FRY: variants seen among roughly 807,000 people sequenced by gnomAD.
FRY encodes protein furry homolog.
In FRY, 128 loss-of-function variants were observed where a neutral mutation model predicts 348.4. That is an observed-to-expected ratio of 0.37 (90% confidence interval 0.32 to 0.43). The LOEUF is 0.43. Ranked by LOEUF, FRY falls within the 20% of genes least tolerant of loss-of-function variation. FRY has a pLI of 1.00. For synonymous variants in FRY, 1,370 were observed against 1,374.7 expected (o/e 1.00, Z 0.08); for missense variants, 2,736 against 3,695.2 (o/e 0.74, Z 6.73).
intron 2 of FRY, among the ~76,000 whole-genome samples, chr13:32,099,262 A>G (rs1009094916): frequency 1.3e-5 from 2 of 151,602 alleles, no homozygotes; most frequent in African/African-American, 4.9e-5. Flanking sequence ...ACATATATAT[A>G]TGTGTATATA....
chr13:32,166,386 C>G (rs1881735798), intron 17 of FRY, among the ~76,000 whole-genome samples: 2 of 152,196 alleles, frequency 1.3e-5, no homozygotes, highest in Non-Finnish European at 2.9e-5. Flanking sequence ...GCTGGGGGAA[C>G]TGCTGTCCCC....
chr13:32,204,338 G>A lies in FRY; in HGVS notation c.4018+1811G>A, dbSNP rs536206490. ...TTTTACAGATGAGATGAGAAACTAA[G>A]GTTTAGAGATGTTAAATAATTTGCT... On this transcript the variant is annotated intron_variant, in intron 31 of 60. Transcript: ENST00000542859. Among the ~76,000 whole-genome samples the A allele has an allele frequency of 7.9e-5, 12 of 152,228 alleles. 1 individual carries two copies. Among genetic ancestry groups the A allele is most frequent in the Admixed American group, 7.8e-4 (12 of 15,292 alleles).
At chr13:32,079,679 T>G (rs879559173) in intron 2 of FRY, among the ~76,000 whole-genome samples, 4 of 152,142 alleles carry the variant, frequency 2.6e-5, no homozygotes, top group Non-Finnish European at 5.9e-5. Context: ...CTGCCTTACA[T>G]TGATTGCTCT....
At chr13:32,232,462 C>A (rs929925643) in intron 41 of FRY, among the ~76,000 whole-genome samples, 1 of 152,178 alleles carries the variant, frequency 6.6e-6, no homozygotes, top group African/African-American at 2.4e-5. Context: ...AAACAGCCCC[C>A]AGAGCTCAGA....
In FRY at chr13:32,147,831, T is replaced by C. The variant is rs1207088039; in HGVS notation, c.1284-8T>C. Reference sequence around the variant, plus strand: ...TGCTTGTTTTCTCTTTTCCCCCTTATCTTTCAGCCGACTTATAACCATCAT... The same window carrying C: ...TGCTTGTTTTCTCTTTTCCCCCTTACCTTTCAGCCGACTTATAACCATCAT... On this transcript the variant is annotated splice_region_variant and splice_polypyrimidine_tract_variant and intron_variant, in intron 12 of 60. Coordinates refer to ENST00000542859, the MANE Select transcript of FRY (RefSeq NM_023037.3). The C allele has an allele frequency of 6.5e-7, 1 of 1,546,654 alleles. No homozygotes were observed. Among genetic ancestry groups the C allele is most frequent in the Non-Finnish European group, 8.9e-7 (1 of 1,118,362 alleles).
intron 4 of FRY, among the ~76,000 whole-genome samples, chr13:32,122,405 G>A (rs1264571327): frequency 6.7e-6 from 1 of 149,966 alleles, no homozygotes; most frequent in Non-Finnish European, 1.5e-5. Context: ...TGGCACCACT[G>A]CACTCCAGCC....
chr13:32,123,862 G>A (rs1878845766), intron 4 of FRY, among the ~76,000 whole-genome samples: 1 of 152,110 alleles, frequency 6.6e-6, no homozygotes, highest in South Asian at 2.1e-4. Flanking sequence ...ATGGAGTCTC[G>A]CTCTGCCTCC....
At position 32,295,716 on chromosome 13, in the gene FRY, A is replaced by ATATGCAACTC; in HGVS notation, c.*257_*266dup. 1.8e-6 allele frequency: 1 copy of ATATGCAACTC among 564,028 alleles called. No individual in the cohort carries two copies. Among genetic ancestry groups the ATATGCAACTC allele is most frequent in the East Asian group, 3.0e-5 (1 of 33,700 alleles). The allele number at this position is 564,028 out of a possible 1,614,324, so 34.9% of individuals were successfully genotyped here. The stretch of plus-strand genomic sequence containing the variant: ...ACAAATGTGTTACATTTGACCGAGC[A>ATATGCAACTC]TATGCAACTCGCTACTGAAGAAGTG... On this transcript the variant is annotated 3_prime_UTR_variant, in exon 61 of 61. Transcript: ENST00000542859.
intron 48 of FRY, among the ~76,000 whole-genome samples, chr13:32,249,238 T>C (rs1280889280): frequency 6.6e-6 from 1 of 152,210 alleles, no homozygotes; most frequent in Non-Finnish European, 1.5e-5. Flanking sequence ...AAAAACTGAC[T>C]ATTTGGTTTC....
At chr13:32,275,601 T>TGGTGC (rs557718147) in intron 56 of FRY, among the ~76,000 whole-genome samples, 277 of 152,318 alleles carry the variant, frequency 1.8e-3, no homozygotes, top group African/African-American at 6.5e-3. Flanking sequence ...TGTGCATATA[T>TGGTGC]GGTCAGATAA....
Position 32,237,869 on chromosome 13 carries a change from C to T in FRY, c.6301C>T (p.Gln2101Ter). Reference sequence around the variant, plus strand: ...GAAGTGGGCCGACTTCTCCGGGCTGCAGCAGCTGCTGCTGAAAGGATTCAC... The same window carrying T: ...GAAGTGGGCCGACTTCTCCGGGCTGTAGCAGCTGCTGCTGAAAGGATTCAC... Reference protein sequence around the residue: ...QLKWADFSGLQQLLLKGFTSL... With the variant: ...QLKWADFSGL Residue 2101 changes from glutamine to a stop codon, truncating the protein, a stop_gained, in exon 44 of 61, where the codon CAG becomes TAG. Transcript: ENST00000542859. LOFTEE classifies it high-confidence loss of function. This position sits in a 1 kb window ranked among gnomAD's most constrained non-coding sequence, Gnocchi z 6.3. The T allele has an allele frequency of 6.2e-7, 1 of 1,614,172 alleles. No individual in the cohort carries two copies. Among genetic ancestry groups the T allele is most frequent in the Non-Finnish European group, 8.5e-7 (1 of 1,180,020 alleles).
intron 3 of FRY, among the ~76,000 whole-genome samples, chr13:32,103,752 C>T (rs113878126): frequency 0.011 from 1,625 of 152,162 alleles, 32 homozygotes; most frequent in African/African-American, 0.037. Flanking sequence ...ATCTCCTGAG[C>T]CCAAGAGTTC....
At chr13:32,148,278 CAAGTA>C (rs1323214876) in intron 13 of FRY, among the ~76,000 whole-genome samples, 1 of 151,986 alleles carries the variant, frequency 6.6e-6, no homozygotes, top group African/African-American at 2.4e-5. Flanking sequence ...CTGGATTCTA[CAAGTA>C]AAGAGGAAGC....
intron 1 of FRY, among the ~76,000 whole-genome samples, chr13:32,047,428 C>T (rs946041726): frequency 1.6e-4 from 25 of 152,206 alleles, no homozygotes; most frequent in African/African-American, 6.0e-4. Flanking sequence ...AGAAAATTAA[C>T]CATCTAAAGA....
Position 32,058,788 on chromosome 13 carries a change from AT to A in FRY, c.71-20045del, listed in dbSNP as rs561021941. Among the ~76,000 whole-genome samples, 949 of 152,334 alleles carry A rather than the reference AT, an allele frequency of 6.2e-3. 14 individuals are homozygous for A. The highest frequency in any genetic ancestry group is 0.022 in the African/African-American group (910 of 41,566). ...ATGCAGGATATCTGGGTAAAAAAAA[AT>A]ATGTATACATTATTTGAGGCATCTC... is the stretch of plus-strand genomic sequence containing the variant. On this transcript the variant is annotated intron_variant, in intron 1 of 60. Transcript: ENST00000542859.
chr13:32,220,324 T>G (rs2138395015), intron 36 of FRY, among the ~76,000 whole-genome samples: 1 of 152,352 alleles, frequency 6.6e-6, no homozygotes, highest in African/African-American at 2.4e-5. Context: ...AAAATACTAA[T>G]GGAAGGCGTG....
rs373719773 is a variant in FRY at position 32,247,371 on chromosome 13, C to T, written c.6877C>T (p.Arg2293Trp). 6 of 1,613,520 alleles carry T rather than the reference C, an allele frequency of 3.7e-6. No individual in the cohort carries two copies. The highest frequency in any genetic ancestry group is 2.2e-5 in the East Asian group (1 of 44,888). Residue 2293 changes from arginine to tryptophan, a missense_variant, in exon 48 of 61, where the codon CGG (arginine) becomes TGG (tryptophan). Physicochemically the swap from Arg to Trp is moderately radical, Grantham distance 101 (BLOSUM62 -3). Transcript: ENST00000542859. ...GAATATCTTGAAGCTGGTAGTTTCT[C>T]GGTCAGCCAGCCTTGTTTTACCTTC... ...ALNILKLVVS[R>W]SASLVLPSYQ...
chr13:32,133,520 CA>C (rs1879499173), intron 8 of FRY, among the ~76,000 whole-genome samples: 1 of 152,002 alleles, frequency 6.6e-6, no homozygotes, highest in Non-Finnish European at 1.5e-5. Flanking sequence ...AATAATGTAG[CA>C]AAAGAATGAC....
chr13:32,289,403 C>T (rs1382327051), intron 58 of FRY, among the ~76,000 whole-genome samples: 2 of 152,124 alleles, frequency 1.3e-5, no homozygotes, highest in African/African-American at 4.8e-5. Context: ...TTTATAGGTG[C>T]TACTCTCTAA....
Sources: allele counts gnomAD v4.1 joint callset (sites outside exome capture counted in the v4.1 genomes callset), GRCh38; gene constraint gnomAD v4.1.1; non-coding constraint Gnocchi (gnomAD v3.1); transcripts MANE v1.5; gene names NCBI Gene and HGNC (gene_info 2026-07-23, HGNC 2026-07-21).